The following MICALL1 variants were observed in gnomAD, a reference collection of about 807,000 sequenced individuals.
MICALL1 encodes MICAL-like protein 1.
In MICALL1, 61 loss-of-function variants were observed where a neutral mutation model predicts 83.7. The observed-to-expected ratio is 0.73, with a 90% CI of 0.59 to 0.90. MICALL1 has a LOEUF of 0.90. Ranked by LOEUF, MICALL1 falls within the 40% of genes least tolerant of loss-of-function variation. MICALL1 has a pLI of 0.00. For missense variants in MICALL1, 1,066 were observed against 1,152.0 expected, an observed-to-expected ratio of 0.93 and a Z score of 1.08; for synonymous variants, 481 against 473.6, an observed-to-expected ratio of 1.02 and a Z score of -0.20.
chr22:37,933,467 T>C (rs916491828), intron 13 of MICALL1, among the ~76,000 whole-genome samples: 2 of 152,202 alleles, frequency 1.3e-5, no homozygotes, highest in African/African-American at 4.8e-5. Context: ...ACTAACTTGC[T>C]GTGTGACCTT....
rs146651314 is a variant in MICALL1, at chr22:37,924,295, G to C, written c.1025-365G>C. Among the ~76,000 whole-genome samples the C allele has an allele frequency of 6.6e-6, 1 of 152,180 alleles. No homozygotes were observed. Among genetic ancestry groups the C allele is most frequent in the Non-Finnish European group, 1.5e-5 (1 of 68,024 alleles). On this transcript the variant is annotated intron_variant, in intron 6 of 15. Transcript: ENST00000215957. The surrounding 1 kb of genome is among the most constrained non-coding windows in gnomAD (Gnocchi z 5.2). ...TGTGGAAGTCTTGCTAAGTTGGAAGGAGGGGAGCAGGGGCTGCTGTGGGAT... is the reference window on the plus strand; with the variant it reads ...TGTGGAAGTCTTGCTAAGTTGGAAGCAGGGGAGCAGGGGCTGCTGTGGGAT...
rs1185332423 is a variant in MICALL1 at position 37,941,328 on chromosome 22, C to T, written c.*498C>T. On this transcript the variant is annotated 3_prime_UTR_variant, in exon 16 of 16. Transcript: ENST00000215957. The stretch of plus-strand genomic sequence containing the variant: ...GCAGGCGCCCTTGGATCTCAGTTTC[C>T]CTCACTCAGGAACTCTGTTTCTGAA... 1 of 156,634 alleles carries T rather than the reference C, an allele frequency of 6.4e-6. No individual in the cohort carries two copies. Among genetic ancestry groups the T allele is most frequent in the Admixed American group, 6.1e-5 (1 of 16,348 alleles). The allele number at this position is 156,634 out of a possible 1,614,324, so 9.7% of individuals were successfully genotyped here.
Position 37,932,972 on chromosome 22 carries a change from A to G in MICALL1, c.2235-67A>G. 1 of 1,612,390 alleles carries G rather than the reference A, an allele frequency of 6.2e-7. No homozygotes were observed. The highest frequency in any genetic ancestry group is 8.5e-7 in the Non-Finnish European group (1 of 1,178,504). The stretch of plus-strand genomic sequence containing the variant: ...CCCTTACCCTCTTCCCTCATCAGTA[A>G]CAGCGCAGGGCAGGGCAGCCGGGGC... On this transcript the variant is annotated intron_variant, in intron 12 of 15. Transcript: ENST00000215957. The surrounding 1 kb of genome is among the most constrained non-coding windows in gnomAD (Gnocchi z 4.4).
In MICALL1 at chr22:37,932,913, C is replaced by T; in HGVS notation, c.2234+25C>T. ...TGTGAGTCCCCCCGCCTGGGGCATCCCTCCCTGGAATCCGTAGAGCTTAGA... is the reference window on the plus strand; with the variant it reads ...TGTGAGTCCCCCCGCCTGGGGCATCTCTCCCTGGAATCCGTAGAGCTTAGA... On this transcript the variant is annotated intron_variant, in intron 12 of 15. Transcript: ENST00000215957. The surrounding 1 kb of genome is among the most constrained non-coding windows in gnomAD (Gnocchi z 4.4). 1 of 1,613,622 alleles carries T rather than the reference C, an allele frequency of 6.2e-7. No homozygotes were observed. The highest frequency in any genetic ancestry group is 1.3e-5 in the African/African-American group (1 of 75,030).
chr22:37,936,891 C>CAAAAAA (rs1007404284), intron 13 of MICALL1, among the ~76,000 whole-genome samples, 189 bp from the exon 14 acceptor site: 1 of 119,614 alleles, frequency 8.4e-6, no homozygotes, highest in Non-Finnish European at 1.8e-5. Flanking sequence ...GACTCCGTCT[C>CAAAAAA]AAAAAAAAAA....
chr22:37,918,427 T>C (rs1928811571), intron 4 of MICALL1, among the ~76,000 whole-genome samples: 1 of 152,166 alleles, frequency 6.6e-6, no homozygotes, highest in African/African-American at 2.4e-5. Context: ...TCCCATCTGC[T>C]CTTTGCTGGA....
intron 15 of MICALL1, among the ~76,000 whole-genome samples, 192 bp from the exon 16 acceptor site, chr22:37,940,517 G>T (rs1007876890): frequency 5.9e-5 from 9 of 152,110 alleles, no homozygotes; most frequent in African/African-American, 2.2e-4. Context: ...GGGAGGATGG[G>T]CCCCATCCTC....
In MICALL1 at chr22:37,930,509, G is replaced by C. The variant is rs1470142493; in HGVS notation, c.1882-1290G>C. Among the ~76,000 whole-genome samples the C allele has an allele frequency of 6.6e-6, 1 of 152,230 alleles. No individual in the cohort carries two copies. The highest frequency in any genetic ancestry group is 1.5e-5 in the Non-Finnish European group (1 of 68,028). ...GGCCTCCACCTGCTCCGCAGCTGCC[G>C]AGGGAAAGCTGGGTCAGTGCTTCTT... is the stretch of plus-strand genomic sequence containing the variant. On this transcript the variant is annotated intron_variant, in intron 9 of 15. Coordinates refer to ENST00000215957, the MANE Select transcript of MICALL1 (RefSeq NM_033386.4). The surrounding 1 kb of genome is among the most constrained non-coding windows in gnomAD (Gnocchi z 4.8).
At chr22:37,934,574 G>GT (rs1285621042) in intron 13 of MICALL1, among the ~76,000 whole-genome samples, 1 of 144,332 alleles carries the variant, frequency 6.9e-6, no homozygotes, top group East Asian at 2.0e-4. Flanking sequence ...ATTTATTTTG[G>GT]GGGGGGGTAT....
chr22:37,906,393 C>T lies in MICALL1; in HGVS notation c.-30C>T. 2 of 1,084,980 alleles carry T rather than the reference C, an allele frequency of 1.8e-6. No individual in the cohort carries two copies. The highest frequency in any genetic ancestry group is 2.2e-6 in the Non-Finnish European group (2 of 894,710). The allele number at this position is 1,084,980 out of a possible 1,614,324, so 67.2% of individuals were successfully genotyped here. On this transcript the variant is annotated 5_prime_UTR_variant, in exon 1 of 16. Transcript: ENST00000215957. This position sits in a 1 kb window ranked among gnomAD's most constrained non-coding sequence, Gnocchi z 4.4. Reference sequence around the variant, plus strand: ...CCCGGCCAAGCCGGGGCCCCGAAGCCAGAGCCGGAGCCGGGCGGGCCGCGG... The same window carrying T: ...CCCGGCCAAGCCGGGGCCCCGAAGCTAGAGCCGGAGCCGGGCGGGCCGCGG...
chr22:37,911,745 GC>G (rs1928334455), intron 1 of MICALL1, among the ~76,000 whole-genome samples: 1 of 152,098 alleles, frequency 6.6e-6, no homozygotes, highest in Admixed American at 6.5e-5. Context: ...GCCCTGCCCT[GC>G]CCTGGCAGCT....
rs201216667 is a variant in MICALL1 at position 37,925,816 on chromosome 22, C to T, written c.1238C>T (p.Pro413Leu). ...GGAGGCACCGAGGAGGTGGCCCAGC[C>T]GAGCCCAACGGCCAGCCTGGAGTCC... is the stretch of plus-strand genomic sequence containing the variant. ...ENGGTEEVAQ[P>L]SPTASLESKP... The change falls in exon 8 of 16, where the codon CCG becomes CTG. Residue 413 changes from proline (P) to leucine (L), a missense_variant. Physicochemically the swap from Pro to Leu is moderately conservative, Grantham distance 98. Transcript: ENST00000215957. The T allele has an allele frequency of 3.3e-5, 53 of 1,613,798 alleles. No individual in the cohort carries two copies. The highest frequency in any genetic ancestry group is 5.3e-5 in the African/African-American group (4 of 75,010).
rs778980032 is a variant in MICALL1, at chr22:37,938,620, A to ATT, written c.2470+846_2470+847dup. On this transcript the variant is annotated intron_variant, in intron 15 of 15. Transcript: ENST00000215957. ...AGGCGCATGCCATCACACCCAGCTA[A>ATT]TTTTTTTTTTTTTTTTTTTGAGACA... Among the ~76,000 whole-genome samples, 399 of 118,760 alleles carry ATT rather than the reference A, an allele frequency of 3.4e-3. 1 individual carries two copies. Among genetic ancestry groups the ATT allele is most frequent in the African/African-American group, 0.012 (371 of 31,178 alleles). 77.9% of individuals were successfully genotyped at this position (118,760 alleles called of 152,430 possible).
chr22:37,940,574 C>A, intron 15 of MICALL1, 135 bp from the exon 16 acceptor site: 1 of 1,071,794 alleles, frequency 9.3e-7, no homozygotes, highest in Non-Finnish European at 1.3e-6. Flanking sequence ...TTGTCCCTCC[C>A]AGGCTCCACA....
rs754818226 is a variant in MICALL1, at chr22:37,922,299, C to T, written c.897C>T (p.Gly299=). ...AGGAGCTGGCCAGCCCCCCTGCGGGCCGCCCCACCCCTGCCCCCAGGAAGG... is the reference window on the plus strand; with the variant it reads ...AGGAGCTGGCCAGCCCCCCTGCGGGTCGCCCCACCCCTGCCCCCAGGAAGG... The part of the protein sequence containing the change: ...KLQELASPPA[G]RPTPAPRKAS... Residue 299 remains glycine, a synonymous_variant, in exon 6 of 16, where the codon GGC becomes GGT. Transcript: ENST00000215957. 24 of 1,546,102 alleles carry T rather than the reference C, an allele frequency of 1.6e-5. No individual in the cohort carries two copies. The South Asian group carries it at 2.7e-4, about 18-fold the overall frequency.
chr22:37,926,337 C>T (rs530065615), intron 8 of MICALL1, among the ~76,000 whole-genome samples: 29 of 152,336 alleles, frequency 1.9e-4, no homozygotes, highest in Middle Eastern at 3.4e-3. Flanking sequence ...TCTTCACCCT[C>T]CCTGTCGTGC....
At chr22:37,914,259 T>G (rs1185089404) in intron 3 of MICALL1, among the ~76,000 whole-genome samples, 1 of 150,184 alleles carries the variant, frequency 6.7e-6, no homozygotes, top group East Asian at 2.0e-4. Flanking sequence ...GGAGTTTCAC[T>G]CTTCTTGCCC....
chr22:37,909,864 G>A (rs1007114884), intron 1 of MICALL1, among the ~76,000 whole-genome samples: 15 of 152,202 alleles, frequency 9.9e-5, no homozygotes, highest in Non-Finnish European at 4.4e-5. Context: ...CGTGAGAATA[G>A]GAGTGGCCTA....
rs1260915748 is a variant in MICALL1, at chr22:37,941,837, CCA to C, written c.*1009_*1010del. On this transcript the variant is annotated 3_prime_UTR_variant, in exon 16 of 16. Coordinates refer to ENST00000215957, the MANE Select transcript of MICALL1 (RefSeq NM_033386.4). ...GGGAGAGGAGGAGTGATGGGGACCG[CCA>C]CCTTTTCTGCAGGAAATGTGCCCAG... 6.6e-6 allele frequency: 1 copy of C among 152,336 alleles called. No individual in the cohort carries two copies. Among genetic ancestry groups the C allele is most frequent in the Non-Finnish European group, 1.5e-5 (1 of 68,160 alleles). 9.4% of individuals were successfully genotyped at this position (152,336 alleles called of 1,614,324 possible).
Sources: allele counts gnomAD v4.1 joint callset (sites outside exome capture counted in the v4.1 genomes callset), GRCh38; gene constraint gnomAD v4.1.1; non-coding constraint Gnocchi (gnomAD v3.1); transcripts MANE v1.5; gene names NCBI Gene and HGNC (gene_info 2026-07-23, HGNC 2026-07-21).